The following PPHLN1 variants were observed in gnomAD, a reference collection of about 807,000 sequenced individuals.
PPHLN1 encodes the protein periphilin-1.
In PPHLN1, 29 loss-of-function variants were observed where a neutral mutation model predicts 51.3. The ratio of observed to expected loss-of-function variants is 0.57; its 90% CI spans 0.42 to 0.77. PPHLN1 has a LOEUF of 0.77. PPHLN1 is among the 30% of genes least tolerant of loss of function. The pLI is 0.00. For synonymous variants in PPHLN1, 147 were observed against 147.8 expected, an observed-to-expected ratio of 0.99 and a Z score of 0.04; for missense variants, 436 against 438.4, an observed-to-expected ratio of 0.99 and a Z score of 0.05.
chr12:42,404,838 A>C (rs1231567665), intron 9 of PPHLN1, among the ~76,000 whole-genome samples: 2 of 152,066 alleles, frequency 1.3e-5, no homozygotes, highest in Non-Finnish European at 2.9e-5. Flanking sequence ...GACCAGCCTC[A>C]CCAACATGGT....
chr12:42,342,654 A>G (rs760547929), intron 2 of PPHLN1, among the ~76,000 whole-genome samples: 27 of 152,356 alleles, frequency 1.8e-4, no homozygotes, highest in Non-Finnish European at 3.5e-4. Context: ...GGCAATTACA[A>G]CAGAGCTGGG....
intron 9 of PPHLN1, chr12:42,399,351 T>C: frequency 1.2e-6 from 1 of 854,538 alleles, no homozygotes; most frequent in Non-Finnish European, 1.4e-6. Context: ...TACAGATGTT[T>C]CTTATGTTTT....
chr12:42,385,137 T>C, intron 6 of PPHLN1, 141 bp downstream of exon 6: 1 of 877,832 alleles, frequency 1.1e-6, no homozygotes, highest in South Asian at 1.7e-5. Context: ...ACCTAGGTAC[T>C]AGGATTTGGG....
chr12:42,392,581 A>G (rs576772195), intron 7 of PPHLN1, among the ~76,000 whole-genome samples: 1 of 152,334 alleles, frequency 6.6e-6, no homozygotes, highest in South Asian at 2.1e-4. Context: ...AGGAAGTAGA[A>G]TGGAATCAGA....
intron 2 of PPHLN1, among the ~76,000 whole-genome samples, chr12:42,341,448 GT>G (rs1457313643): frequency 1.3e-5 from 2 of 152,074 alleles, no homozygotes; most frequent in African/African-American, 4.8e-5. Flanking sequence ...AAAAGCAGCT[GT>G]TTTCTGAGTT....
chr12:42,380,517 A>C (rs1020621937), intron 5 of PPHLN1, among the ~76,000 whole-genome samples: 1 of 152,138 alleles, frequency 6.6e-6, no homozygotes, highest in African/African-American at 2.4e-5. Flanking sequence ...TGGAAGATAG[A>C]GTCCATTTTT....
At chr12:42,393,955 C>G (rs1022450622) in intron 8 of PPHLN1, among the ~76,000 whole-genome samples, 17 of 151,928 alleles carry the variant, frequency 1.1e-4, no homozygotes, top group Non-Finnish European at 2.1e-4. Context: ...TTATATACTT[C>G]TTTTAATGGG....
At chr12:42,424,360 G>A (rs929714168) in intron 9 of PPHLN1, among the ~76,000 whole-genome samples, 3 of 152,128 alleles carry the variant, frequency 2.0e-5, no homozygotes, top group Non-Finnish European at 4.4e-5. Flanking sequence ...AGACCACGAG[G>A]CAACTTATTT....
rs373138226 is a variant in PPHLN1 at position 42,369,925 on chromosome 12, TATCCA to T, written c.300-4934_300-4930del. On this transcript the variant is annotated intron_variant, in intron 4 of 9. Coordinates refer to ENST00000358314, the MANE Select transcript of PPHLN1 (RefSeq NM_201439.2). Reference sequence around the variant, plus strand: ...ACAATTTCTGACTCACAATCTTCTCTATCCAATCTGCCTCTGTATCGTGATTTAAT... The same window carrying T: ...ACAATTTCTGACTCACAATCTTCTCTATCTGCCTCTGTATCGTGATTTAAT... 1.1e-4 allele frequency among the ~76,000 whole-genome samples: 16 copies of T among 152,358 alleles called. No homozygotes were observed. The East Asian group carries it at 3.1e-3, about 29-fold the overall frequency.
At chr12:42,335,218 C>G (rs959961957) in intron 1 of PPHLN1, among the ~76,000 whole-genome samples, 4 of 151,986 alleles carry the variant, frequency 2.6e-5, no homozygotes, top group Admixed American at 6.6e-5. Flanking sequence ...CCGTCCCACC[C>G]CCCCCTTCTC....
intron 9 of PPHLN1, among the ~76,000 whole-genome samples, chr12:42,402,172 T>G: frequency 6.6e-6 from 1 of 152,098 alleles, no homozygotes; most frequent in African/African-American, 2.4e-5. Flanking sequence ...AGAAATAGAG[T>G]AATCAGGGAC....
chr12:42,389,170 A>G (rs2077455769), intron 7 of PPHLN1, among the ~76,000 whole-genome samples: 1 of 151,984 alleles, frequency 6.6e-6, no homozygotes, highest in South Asian at 2.1e-4. Context: ...CAAGAGATCG[A>G]GACCATCCTG....
At chr12:42,346,849 G>A (rs1201001729) in intron 2 of PPHLN1, among the ~76,000 whole-genome samples, 1 of 152,126 alleles carries the variant, frequency 6.6e-6, no homozygotes, top group Non-Finnish European at 1.5e-5. Context: ...GGTTAGTGAT[G>A]TCAAGCACCT....
At position 42,396,615 on chromosome 12, in the gene PPHLN1, C is replaced by CAAAAAAA. The variant is rs60131845; in HGVS notation, c.769-2212_769-2206dup. On this transcript the variant is annotated intron_variant, in intron 8 of 9. Transcript: ENST00000358314. ...GCAATGTAGTAAGGTCTTGTCACTA[C>CAAAAAAA]AAAAAAAAAAAAAAAAAAAAAAAAA... Among the ~76,000 whole-genome samples, 723 of 85,322 alleles carry CAAAAAAA rather than the reference C, an allele frequency of 8.5e-3. 71 individuals carry two copies. Among genetic ancestry groups the CAAAAAAA allele is most frequent in the Non-Finnish European group, 0.011 (529 of 49,500 alleles). The allele number at this position is 85,322 out of a possible 152,430, so 56.0% of individuals were successfully genotyped here. A position where few individuals can be genotyped will look rare whatever the true frequency, so the allele number is the denominator to read the frequency against.
intron 4 of PPHLN1, among the ~76,000 whole-genome samples, chr12:42,371,764 A>G (rs1269884017): frequency 6.6e-6 from 1 of 152,212 alleles, no homozygotes; most frequent in Non-Finnish European, 1.5e-5. Flanking sequence ...AGAATGTAAA[A>G]TAGCTTACCA....
chr12:42,335,994 TG>T lies in PPHLN1; in HGVS notation c.72+21del. On this transcript the variant is annotated intron_variant, in intron 2 of 9. Transcript: ENST00000358314. ...CCCAGTGTAAGTTACTCCTACATAT[TG>T]AATGATTCAAAAACCTGGTGTCTGA... is the stretch of plus-strand genomic sequence containing the variant. The T allele has an allele frequency of 6.8e-7, 1 of 1,473,502 alleles. No individual in the cohort carries two copies. The highest frequency in any genetic ancestry group is 2.4e-5 in the East Asian group (1 of 40,986). 91.3% of individuals were successfully genotyped at this position (1,473,502 alleles called of 1,614,324 possible).
At chr12:42,422,862 A>T (rs948714574) in intron 9 of PPHLN1, among the ~76,000 whole-genome samples, 3 of 152,216 alleles carry the variant, frequency 2.0e-5, no homozygotes, top group African/African-American at 7.2e-5. Context: ...TCCTACCTCA[A>T]ATCCTTGGCT....
rs748268344 is a variant in PPHLN1 at position 42,355,273 on chromosome 12, G to T, written c.299+51G>T. 7 of 1,474,586 alleles carry T rather than the reference G, an allele frequency of 4.7e-6. No individual in the cohort carries two copies. The Admixed American group carries it at 1.0e-4, about 21-fold the overall frequency. The allele number at this position is 1,474,586 out of a possible 1,614,324, so 91.3% of individuals were successfully genotyped here. ...AGTACTTTGATACTTGACTCACTGT[G>T]ATGTCTGCTTTGGAAATATAGACTC... On this transcript the variant is annotated intron_variant, in intron 4 of 9. Coordinates refer to ENST00000358314, the MANE Select transcript of PPHLN1 (RefSeq NM_201439.2).
chr12:42,417,946 T>G (rs1339917585), intron 9 of PPHLN1, among the ~76,000 whole-genome samples: 2 of 111,168 alleles, frequency 1.8e-5, no homozygotes, highest in African/African-American at 5.6e-5. Flanking sequence ...TTTTTTTGTT[T>G]TTTTTTTTTT....
Sources: gnomAD v4.1 joint callset for allele counts (sites outside exome capture counted in the v4.1 genomes callset) on GRCh38, gnomAD v4.1.1 for gene constraint, MANE v1.5 for transcripts, NCBI Gene and HGNC (gene_info 2026-07-23, HGNC 2026-07-21) for gene names.